Variants in TNC observed in about 807,000 individuals in gnomAD.
TNC encodes tenascin C.
A neutral mutation model predicts 202.4 loss-of-function variants in TNC; 109 were observed. The observed-to-expected ratio is 0.54, with a 90% CI of 0.46 to 0.63. The LOEUF is 0.63. TNC is among the 30% of genes least tolerant of loss of function. TNC has a pLI of 0.00. For missense variants in TNC, 2,756 were observed against 2,833.3 expected, an observed-to-expected ratio of 0.97 and a Z score of 0.62; for synonymous variants, 1,007 against 1,089.7, an observed-to-expected ratio of 0.92 and a Z score of 1.50.
intron 4 of TNC, 62 bp from the exon 5 acceptor site, chr9:115,082,869 C>T (rs1318221641): frequency 9.0e-7 from 1 of 1,107,260 alleles, no homozygotes; most frequent in Non-Finnish European, 1.4e-6. Context: ...GGCAACGCGG[C>T]CACGATTCCA....
intron 1 of TNC, among the ~76,000 whole-genome samples, chr9:115,098,671 C>T (rs926777406): frequency 5.9e-5 from 9 of 152,130 alleles, no homozygotes; most frequent in Non-Finnish European, 1.2e-4. Context: ...TTTGGGAGGA[C>T]GAGGAGAATT....
chr9:115,082,741 T>A lies in TNC; in HGVS notation c.2198A>T (p.Asp733Val), dbSNP rs759125563. The A allele has an allele frequency of 3.1e-6, 5 of 1,614,050 alleles. No individual in the cohort carries two copies. The highest frequency in any genetic ancestry group is 4.2e-6 in the Non-Finnish European group (5 of 1,180,012). The change falls in exon 5 of 28, where the codon GAT (aspartate) becomes GTT (valine). Residue 733 changes from aspartate to valine, a missense_variant. By Grantham distance (152) the Asp-to-Val change is radical. Around this residue, in one of 2 missense-constraint regions of TNC, gnomAD observed 2,559 missense variants for 2,546.0 expected, o/e 1.01. Transcript: ENST00000350763. Reference protein sequence around the residue: ...IKETSVEVEWDPLDIAFETWE... With the variant: ...IKETSVEVEWVPLDIAFETWE... ...GGTTTCAAAAGCAATGTCTAGAGGA[T>A]CCCACTCCACTTCCACAGATGTCTC...
intron 19 of TNC, among the ~76,000 whole-genome samples, chr9:115,039,079 C>T (rs1407637742): frequency 6.6e-6 from 1 of 152,126 alleles, no homozygotes; most frequent in Non-Finnish European, 1.5e-5. Flanking sequence ...ATCCACCTTC[C>T]TTGGCCTCCC....
intron 18 of TNC, among the ~76,000 whole-genome samples, chr9:115,041,431 T>C (rs1318610996): frequency 2.0e-5 from 3 of 152,208 alleles, no homozygotes; most frequent in Non-Finnish European, 4.4e-5. Flanking sequence ...AAGCTTACTA[T>C]GTAATGTATG....
At chr9:115,111,753 T>G (rs1482429750) in intron 1 of TNC, among the ~76,000 whole-genome samples, 1 of 152,082 alleles carries the variant, frequency 6.6e-6, no homozygotes, top group Non-Finnish European at 1.5e-5. Flanking sequence ...ATGGCCTTGT[T>G]GGAGAAGCCC....
At chr9:115,048,069 G>A (rs1048667274) in intron 16 of TNC, among the ~76,000 whole-genome samples, 191 bp downstream of exon 16, 1 of 152,184 alleles carries the variant, frequency 6.6e-6, no homozygotes. Context: ...TCATTTCTGG[G>A]GTGGGAGTGG....
At chr9:115,069,107 G>C (rs1833167974) in intron 10 of TNC, among the ~76,000 whole-genome samples, 1 of 152,146 alleles carries the variant, frequency 6.6e-6, no homozygotes, top group Admixed American at 6.5e-5. Flanking sequence ...ATAAATATTT[G>C]AATAAATTTC....
intron 15 of TNC, chr9:115,052,839 T>A (rs1046479980): frequency 1.4e-6 from 1 of 702,624 alleles, no homozygotes; most frequent in African/African-American, 1.7e-5. Context: ...AAGCCTGTGA[T>A]GTGAGCTTGC....
intron 10 of TNC, among the ~76,000 whole-genome samples, chr9:115,067,048 G>T (rs1815268690): frequency 1.3e-5 from 2 of 152,186 alleles, no homozygotes; most frequent in African/African-American, 4.8e-5. Context: ...CCTAAACATG[G>T]TCTTTATGAG....
chr9:115,087,312 G>C (rs762884103), intron 2 of TNC, 39 bp from the exon 3 acceptor site: 23 of 1,594,954 alleles, frequency 1.4e-5, no homozygotes, highest in Non-Finnish European at 2.6e-6. Flanking sequence ...CCAGGCTTAA[G>C]CAGCCACATT....
In TNC at chr9:115,082,750, A is replaced by G. The variant is rs757684902; in HGVS notation, c.2189T>C (p.Val730Ala). 9.3e-6 allele frequency: 15 copies of G among 1,614,192 alleles called. No homozygotes were observed. Among genetic ancestry groups the G allele is most frequent in the Middle Eastern group, 1.7e-4 (1 of 6,060 alleles). Reference protein sequence around the residue: ...FKSIKETSVEVEWDPLDIAFE... With the variant: ...FKSIKETSVEAEWDPLDIAFE... ...AGCAATGTCTAGAGGATCCCACTCC[A>G]CTTCCACAGATGTCTCCTTGATGGA... Residue 730 changes from valine to alanine, a missense_variant, in exon 5 of 28, where the codon GTG becomes GCG. Val to Ala is a moderately conservative substitution (Grantham distance 64). Transcript: ENST00000350763.
intron 10 of TNC, among the ~76,000 whole-genome samples, chr9:115,072,719 A>G (rs1833554178): frequency 6.6e-6 from 1 of 152,204 alleles, no homozygotes; most frequent in African/African-American, 2.4e-5. Flanking sequence ...ACTTTTCCTC[A>G]AATATCAGTA....
rs531054218 is a variant in TNC, at chr9:115,117,297, A to G, written c.-137+685T>C. On this transcript the variant is annotated intron_variant, in intron 1 of 27. Coordinates refer to ENST00000350763, the MANE Select transcript of TNC (RefSeq NM_002160.4). ...ATGTTGTTGCTCAGATCTTTCTGTG[A>G]TGAGAGGTGAGGAGGAGGAGGTGAT... Among the ~76,000 whole-genome samples, 6 of 152,212 alleles carry G rather than the reference A, an allele frequency of 3.9e-5. No individual in the cohort carries two copies. In the East Asian group the frequency reaches 1.2e-3, roughly 29 times the overall value.
At chr9:115,070,621 G>A (rs977501205) in intron 10 of TNC, among the ~76,000 whole-genome samples, 4 of 152,204 alleles carry the variant, frequency 2.6e-5, no homozygotes, top group African/African-American at 9.7e-5. Context: ...TAAAACCCTG[G>A]AATTCCCCAG....
chr9:115,052,946 G>A, intron 15 of TNC: 2 of 702,708 alleles, frequency 2.8e-6, no homozygotes, highest in Non-Finnish European at 5.2e-6. Flanking sequence ...AGCTTGAGTG[G>A]TCCATGACAT....
rs1001654912 is a variant in TNC at position 115,103,811 on chromosome 9, C to T, written c.-136-12657G>A. Among the ~76,000 whole-genome samples, 10 of 152,328 alleles carry T rather than the reference C, an allele frequency of 6.6e-5. No individual in the cohort carries two copies. The South Asian group carries it at 1.0e-3, about 16-fold the overall frequency. On this transcript the variant is annotated intron_variant, in intron 1 of 27. Transcript: ENST00000350763. Reference sequence around the variant, plus strand: ...TGGCTTAAGCATTGGTGGTGCCTCACGACTTCCTCCCTCCTGCCCCTTGAA... The same window carrying T: ...TGGCTTAAGCATTGGTGGTGCCTCATGACTTCCTCCCTCCTGCCCCTTGAA...
chr9:115,101,949 C>T (rs1836270143), intron 1 of TNC, among the ~76,000 whole-genome samples: 1 of 152,106 alleles, frequency 6.6e-6, no homozygotes, highest in Admixed American at 6.5e-5. Context: ...TCATCATCAC[C>T]ATCATAAGTA....
At chr9:115,098,938 A>ATTTTT (rs35624621) in intron 1 of TNC, among the ~76,000 whole-genome samples, 43,454 of 125,896 alleles carry the variant, frequency 0.35, 7,970 homozygotes, top group Admixed American at 0.43. Context: ...TTAAGTGTGT[A>ATTTTT]TTTTTTTTTT....
chr9:115,072,435 T>C (rs1355639074), intron 10 of TNC, among the ~76,000 whole-genome samples: 1 of 152,236 alleles, frequency 6.6e-6, no homozygotes, highest in African/African-American at 2.4e-5. Flanking sequence ...AACCAACTTC[T>C]ATCTTAAGTA....
Sources: allele counts gnomAD v4.1 joint callset (sites outside exome capture counted in the v4.1 genomes callset), GRCh38; gene constraint gnomAD v4.1.1; regional missense constraint gnomAD v4.1.1; transcripts MANE v1.5; gene names NCBI Gene and HGNC (gene_info 2026-07-23, HGNC 2026-07-21).